Variants in SPAG16 observed in about 807,000 individuals in gnomAD.
The protein encoded by SPAG16 is sperm associated antigen 16.
Under a neutral mutation model 80.4 loss-of-function variants are expected in SPAG16, and 86 were observed. That is an observed-to-expected ratio of 1.07 (90% CI 0.90 to 1.28). SPAG16 has a LOEUF of 1.28. SPAG16 is among the 50% of genes most tolerant of loss of function. SPAG16 has a pLI of 0.00. For synonymous variants in SPAG16, 294 were observed against 265.9 expected (o/e 1.11, Z -1.03); for missense variants, 870 against 765.3 (o/e 1.14, Z -1.61).
chr2:213,962,566 A>C (rs2044501356), intron 12 of SPAG16, among the ~76,000 whole-genome samples: 1 of 152,210 alleles, frequency 6.6e-6, no homozygotes. Flanking sequence ...GACAGCAAGA[A>C]TATGGCCATC....
At chr2:213,353,322 A>G (rs2065439080) in intron 7 of SPAG16, among the ~76,000 whole-genome samples, 1 of 152,124 alleles carries the variant, frequency 6.6e-6, no homozygotes, top group South Asian at 2.1e-4. Flanking sequence ...TAACATTTCC[A>G]TGTACCCCAC....
At chr2:213,779,550 A>G (rs2069815302) in intron 10 of SPAG16, among the ~76,000 whole-genome samples, 2 of 152,182 alleles carry the variant, frequency 1.3e-5, no homozygotes, top group African/African-American at 2.4e-5. Context: ...TGCTTTGTTA[A>G]TATCAAGAAA....
At chr2:213,978,570 T>A (rs1261658993) in intron 12 of SPAG16, among the ~76,000 whole-genome samples, 2 of 152,166 alleles carry the variant, frequency 1.3e-5, no homozygotes, top group African/African-American at 4.8e-5. Context: ...AAATTTTGTG[T>A]TATTTGTCAA....
At chr2:213,697,869 C>CCTGCT (rs2065229135) in intron 10 of SPAG16, among the ~76,000 whole-genome samples, 3 of 152,200 alleles carry the variant, frequency 2.0e-5, no homozygotes, top group Admixed American at 2.0e-4. Flanking sequence ...CCTACCTCTA[C>CCTGCT]CTGCTCAGCT....
intron 9 of SPAG16, among the ~76,000 whole-genome samples, chr2:213,456,205 GC>G (rs1288900046): frequency 3.9e-5 from 6 of 152,120 alleles, no homozygotes; most frequent in African/African-American, 1.4e-4. Flanking sequence ...TGCTAGCTGT[GC>G]TTTTAGAAGA....
intron 15 of SPAG16, among the ~76,000 whole-genome samples, chr2:214,357,913 C>T (rs1189186846): frequency 6.6e-6 from 1 of 151,778 alleles, no homozygotes; most frequent in African/African-American, 2.4e-5. Context: ...CTTTTCAGGT[C>T]ACATAATTCA....
chr2:213,960,956 C>T (rs2044386468), intron 12 of SPAG16, among the ~76,000 whole-genome samples: 2 of 152,146 alleles, frequency 1.3e-5, no homozygotes, highest in Admixed American at 6.5e-5. Flanking sequence ...GGGGAATACG[C>T]TTCTTTTTTC....
intron 15 of SPAG16, among the ~76,000 whole-genome samples, chr2:214,351,100 T>C (rs1698372961): frequency 6.6e-6 from 1 of 152,164 alleles, no homozygotes; most frequent in Non-Finnish European, 1.5e-5. Context: ...GTATGATCAA[T>C]ACACTAGAAT....
chr2:214,322,919 AAC>A (rs1696202456), intron 15 of SPAG16, among the ~76,000 whole-genome samples: 1 of 152,168 alleles, frequency 6.6e-6, no homozygotes, highest in African/African-American at 2.4e-5. Context: ...TTCAAACTCA[AAC>A]ACAGAGGATC....
At chr2:214,174,565 A>G (rs74654290) in intron 15 of SPAG16, among the ~76,000 whole-genome samples, 1 of 151,892 alleles carries the variant, frequency 6.6e-6, no homozygotes, top group African/African-American at 2.4e-5. Context: ...AGTTCAGTTA[A>G]TGTTGCCTGC....
intron 10 of SPAG16, among the ~76,000 whole-genome samples, chr2:213,714,789 C>T (rs969968410): frequency 6.6e-6 from 1 of 152,032 alleles, no homozygotes; most frequent in African/African-American, 2.4e-5. Flanking sequence ...GGATTTAAAC[C>T]CAACGAATCT....
chr2:213,539,383 A>G (rs2076353783), intron 10 of SPAG16, among the ~76,000 whole-genome samples: 1 of 152,194 alleles, frequency 6.6e-6, no homozygotes, highest in Non-Finnish European at 1.5e-5. Context: ...AAGCACATTA[A>G]ACATAGCTAA....
intron 12 of SPAG16, among the ~76,000 whole-genome samples, chr2:213,950,307 TG>T (rs2106320633): frequency 6.6e-6 from 1 of 152,282 alleles, no homozygotes; most frequent in East Asian, 1.9e-4. Flanking sequence ...AAACGAGATT[TG>T]GAAAAAAAAC....
chr2:214,299,886 G>T (rs1694426742), intron 15 of SPAG16, among the ~76,000 whole-genome samples: 1 of 152,136 alleles, frequency 6.6e-6, no homozygotes, highest in Non-Finnish European at 1.5e-5. Flanking sequence ...ATTAGAAAGT[G>T]ACATTTCTTA....
intron 12 of SPAG16, among the ~76,000 whole-genome samples, chr2:213,955,081 AT>A (rs1264767578): frequency 6.6e-6 from 1 of 151,418 alleles, no homozygotes; most frequent in Non-Finnish European, 1.5e-5. Context: ...TAATTTTCAA[AT>A]TTTTTCCTAT....
intron 15 of SPAG16, among the ~76,000 whole-genome samples, chr2:214,205,297 G>A (rs950828622): frequency 2.6e-5 from 4 of 151,998 alleles, no homozygotes; most frequent in South Asian, 2.1e-4. Flanking sequence ...CAGTGAAATA[G>A]CATAAATAAA....
At chr2:214,080,506 G>A (rs1256927651) in intron 13 of SPAG16, among the ~76,000 whole-genome samples, 1 of 150,916 alleles carries the variant, frequency 6.6e-6, no homozygotes, top group Admixed American at 6.6e-5. Flanking sequence ...TACTCGGGAG[G>A]CTGAGGTAGG....
At chr2:213,687,605 T>C (rs1243312005) in intron 10 of SPAG16, among the ~76,000 whole-genome samples, 1 of 152,216 alleles carries the variant, frequency 6.6e-6, no homozygotes, top group African/African-American at 2.4e-5. Context: ...ACTTCATTGT[T>C]TTCTACTAGA....
chr2:213,788,252 T>A lies in SPAG16; in HGVS notation c.1071-74233T>A, dbSNP rs565827922. Among the ~76,000 whole-genome samples the A allele has an allele frequency of 2.6e-5, 4 of 152,078 alleles. No individual in the cohort carries two copies. The South Asian group carries it at 8.3e-4, about 31-fold the overall frequency. ...TTATAATACATTAAGCAGCTGAATT[T>A]TATATAGTCAATATAAGTATTTATA... On this transcript the variant is annotated intron_variant, in intron 10 of 15. Transcript: ENST00000331683.
Sources: gnomAD v4.1 joint callset for allele counts (sites outside exome capture counted in the v4.1 genomes callset) on GRCh38, gnomAD v4.1.1 for gene constraint, MANE v1.5 for transcripts, NCBI Gene and HGNC (gene_info 2026-07-23, HGNC 2026-07-21) for gene names.